FOXP2: variants seen among roughly 807,000 people sequenced by gnomAD.
The protein encoded by FOXP2 is forkhead box protein P2.
A neutral mutation model predicts 115.8 loss-of-function variants in FOXP2; 12 were observed. The ratio of observed to expected loss-of-function variants is 0.10; its 90% CI spans 0.07 to 0.17. The LOEUF (loss-of-function observed/expected upper bound fraction) is 0.17, where lower values mean the gene tolerates loss of function less well. Ranked by LOEUF, FOXP2 falls within the 10% of genes least tolerant of loss-of-function variation. FOXP2 has a pLI of 1.00. For missense variants in FOXP2, 629 were observed against 843.5 expected (o/e 0.75, Z 3.15); for synonymous variants, 328 against 297.7 (o/e 1.10, Z -1.05).
chr7:114,602,807 G>A (rs1021984035), intron 3 of FOXP2, among the ~76,000 whole-genome samples: 2 of 152,062 alleles, frequency 1.3e-5, no homozygotes, highest in Non-Finnish European at 2.9e-5. Context: ...CTGTATTAAA[G>A]ACCATTGTAT....
rs1173446416 is a variant in FOXP2, at chr7:114,326,065, A to G, written c.-11+37956A>G. Among the ~76,000 whole-genome samples, 9 of 152,246 alleles carry G rather than the reference A, an allele frequency of 5.9e-5. No homozygotes were observed. The East Asian group carries it at 1.5e-3, about 26-fold the overall frequency. On this transcript the variant is annotated intron_variant, in intron 2 of 17. Transcript: ENST00000634411. ...GTAAAATCAATCGTAAGAGGTGCTA[A>G]CACATTGCATTTGTCGTTAGAATTA...
At chr7:114,670,657 A>T (rs1807443830) in intron 16 of FOXP2, among the ~76,000 whole-genome samples, 2 of 152,102 alleles carry the variant, frequency 1.3e-5, no homozygotes, top group South Asian at 4.1e-4. Context: ...ATAATATTAC[A>T]TTTCTTCCTT....
At chr7:114,687,415 C>T (rs928204366) in intron 16 of FOXP2, among the ~76,000 whole-genome samples, 3 of 152,250 alleles carry the variant, frequency 2.0e-5, no homozygotes, top group South Asian at 2.1e-4. Flanking sequence ...ATACATAGTA[C>T]ACATTTATTT....
At chr7:114,614,527 T>G (rs1803821781) in intron 3 of FOXP2, among the ~76,000 whole-genome samples, 1 of 152,204 alleles carries the variant, frequency 6.6e-6, no homozygotes, top group African/African-American at 2.4e-5. Context: ...TATTGGTATT[T>G]TCTTTTATGG....
At chr7:114,588,240 G>C (rs1370173158) in intron 3 of FOXP2, among the ~76,000 whole-genome samples, 2 of 151,966 alleles carry the variant, frequency 1.3e-5, no homozygotes, top group African/African-American at 4.8e-5. Flanking sequence ...CTGAGAGGCG[G>C]AGGTTGCCGT....
At chr7:114,371,739 T>TA (rs971683635) in intron 2 of FOXP2, among the ~76,000 whole-genome samples, 6 of 152,260 alleles carry the variant, frequency 3.9e-5, no homozygotes, top group Admixed American at 3.3e-4. Flanking sequence ...GTGTCTGGTA[T>TA]ATAGTAACTA....
At chr7:114,446,035 TTAAC>T (rs1794822270) in intron 2 of FOXP2, among the ~76,000 whole-genome samples, 2 of 90,280 alleles carry the variant, frequency 2.2e-5, no homozygotes, top group African/African-American at 6.8e-5. Context: ...TGTAATATGA[TTAAC>T]TAGTTTTTTT....
At chr7:114,114,697 T>C (rs1282711851) in intron 1 of FOXP2, among the ~76,000 whole-genome samples, 2 of 152,200 alleles carry the variant, frequency 1.3e-5, no homozygotes, top group East Asian at 1.9e-4. Flanking sequence ...GGTTGAATTG[T>C]ATTTCTCTAT....
intron 2 of FOXP2, among the ~76,000 whole-genome samples, chr7:114,503,106 C>T (rs986843549): frequency 2.0e-5 from 3 of 151,908 alleles, no homozygotes; most frequent in African/African-American, 7.2e-5. Flanking sequence ...AACCATTGTG[C>T]TTCTTTTTGT....
intron 2 of FOXP2, among the ~76,000 whole-genome samples, chr7:114,488,574 C>T (rs1312958489): frequency 6.6e-6 from 1 of 152,104 alleles, no homozygotes; most frequent in Non-Finnish European, 1.5e-5. Context: ...CTTTCATCTT[C>T]AGATTCAATT....
At chr7:114,334,236 T>C (rs1797784454) in intron 2 of FOXP2, among the ~76,000 whole-genome samples, 1 of 152,114 alleles carries the variant, frequency 6.6e-6, no homozygotes. Context: ...CATCCATTCA[T>C]TGCATGCTGT....
chr7:114,530,218 G>A (rs1456643738), intron 2 of FOXP2, among the ~76,000 whole-genome samples: 1 of 151,762 alleles, frequency 6.6e-6, no homozygotes, highest in Non-Finnish European at 1.5e-5. Flanking sequence ...CCAATTACAG[G>A]AGATCCATTT....
chr7:114,103,699 TGA>T (rs1491259965), intron 1 of FOXP2, among the ~76,000 whole-genome samples: 3 of 152,068 alleles, frequency 2.0e-5, no homozygotes, highest in Non-Finnish European at 2.9e-5. Flanking sequence ...TATCTCTTTT[TGA>T]CAGGAGATTT....
intron 2 of FOXP2, among the ~76,000 whole-genome samples, chr7:114,531,681 A>G (rs1249388884): frequency 6.6e-6 from 1 of 151,880 alleles, no homozygotes; most frequent in African/African-American, 2.4e-5. Flanking sequence ...TATTTTTTCT[A>G]AGAGTTTGTA....
intron 1 of FOXP2, among the ~76,000 whole-genome samples, chr7:114,145,387 T>C (rs1164545270): frequency 6.6e-6 from 1 of 151,800 alleles, no homozygotes; most frequent in East Asian, 1.9e-4. Context: ...TAACTTTGAA[T>C]AATTAAATAT....
At chr7:114,339,174 C>G (rs1791132591) in intron 2 of FOXP2, among the ~76,000 whole-genome samples, 1 of 151,092 alleles carries the variant, frequency 6.6e-6, no homozygotes, top group Non-Finnish European at 1.5e-5. Context: ...TTCTTACTCC[C>G]AGTGGCTCAG....
intron 1 of FOXP2, among the ~76,000 whole-genome samples, chr7:114,102,594 TAA>T (rs545646763): frequency 1.4e-5 from 2 of 141,200 alleles, no homozygotes; most frequent in Admixed American, 7.2e-5. Context: ...TTTAAACATG[TAA>T]AAAAAAAAAA....
At chr7:114,547,382 G>A (rs1468560141) in intron 3 of FOXP2, among the ~76,000 whole-genome samples, 1 of 152,068 alleles carries the variant, frequency 6.6e-6, no homozygotes, top group Admixed American at 6.5e-5. Flanking sequence ...TATTAATCAT[G>A]TTTCTAATGC....
intron 2 of FOXP2, among the ~76,000 whole-genome samples, chr7:114,371,714 T>C (rs1792014142): frequency 3.3e-5 from 5 of 152,146 alleles, no homozygotes; most frequent in Admixed American, 3.3e-4. Flanking sequence ...TCTTTTAATT[T>C]TCTAACTGCC....
Sources: allele counts gnomAD v4.1 joint callset (sites outside exome capture counted in the v4.1 genomes callset), GRCh38; gene constraint gnomAD v4.1.1; transcripts MANE v1.5; gene names NCBI Gene and HGNC (gene_info 2026-07-23, HGNC 2026-07-21).